Variants in HIVEP1 observed in about 807,000 individuals in gnomAD.
HIVEP1 encodes HIVEP zinc finger 1, also known as zinc finger protein 40.
In HIVEP1, 36 loss-of-function variants were observed where a neutral mutation model predicts 180.0. That is an observed-to-expected ratio of 0.20 (90% CI 0.15 to 0.26). HIVEP1 has a LOEUF of 0.26. Ranked by LOEUF, HIVEP1 falls within the 10% of genes least tolerant of loss-of-function variation. The pLI, the probability that HIVEP1 is intolerant of heterozygous loss-of-function variation, is 1.00. For missense variants in HIVEP1, 3,143 were observed against 3,268.7 expected (o/e 0.96, Z 0.94); for synonymous variants, 1,239 against 1,239.0 (o/e 1.00, Z 0.00).
the HIVEP1 span, among the ~76,000 whole-genome samples, chr6:12,170,772 G>A: frequency 1.3e-5 from 2 of 152,286 alleles, no homozygotes; most frequent in Admixed American, 6.5e-5. Flanking sequence ...AAGGAGCACG[G>A]GCTGTGGACT....
intron 3 of HIVEP1, among the ~76,000 whole-genome samples, chr6:12,116,716 A>G (rs1054898760): frequency 6.6e-6 from 1 of 152,122 alleles, no homozygotes; most frequent in Non-Finnish European, 1.5e-5. Context: ...CACAACTCAA[A>G]AAAGACTGTC....
chr6:12,101,881 A>G (rs1422602963), intron 3 of HIVEP1, among the ~76,000 whole-genome samples: 4 of 149,154 alleles, frequency 2.7e-5, no homozygotes, highest in Non-Finnish European at 6.0e-5. Flanking sequence ...CCAAGACACA[A>G]ATATATTGAA....
chr6:12,088,435 A>G (rs1177495910), intron 2 of HIVEP1, among the ~76,000 whole-genome samples: 4 of 152,118 alleles, frequency 2.6e-5, no homozygotes, highest in Non-Finnish European at 4.4e-5. Flanking sequence ...AAGTATGTAT[A>G]TCCTTATAAA....
intron 2 of HIVEP1, among the ~76,000 whole-genome samples, chr6:12,031,032 T>G (rs1768905458): frequency 8.9e-6 from 1 of 111,850 alleles, no homozygotes; most frequent in African/African-American, 3.5e-5. Context: ...CGTTTGTTTG[T>G]TTTTTTTGTT....
At chr6:12,210,302 A>G in the HIVEP1 span, among the ~76,000 whole-genome samples, 2 of 152,238 alleles carry the variant, frequency 1.3e-5, no homozygotes, top group Non-Finnish European at 2.9e-5. Context: ...GCCTCCGTCC[A>G]AACACTCCCT....
chr6:12,167,619 T>C (rs952189273), downstream of HIVEP1, among the ~76,000 whole-genome samples: 1 of 95,810 alleles, frequency 1.0e-5, no homozygotes, highest in Middle Eastern at 6.8e-3. Flanking sequence ...ATATTACATG[T>C]ATATATACAT....
At chr6:12,199,025 G>T in the HIVEP1 span, among the ~76,000 whole-genome samples, 1,573 of 152,334 alleles carry the variant, frequency 0.01, 14 homozygotes, top group Non-Finnish European at 0.018. Flanking sequence ...GTGAGAAATG[G>T]TCAAAGCCTG....
chr6:12,029,191 T>C (rs2327506), intron 2 of HIVEP1, among the ~76,000 whole-genome samples: 65,992 of 151,746 alleles, frequency 0.43, 16,316 homozygotes, highest in Non-Finnish European at 0.56. Flanking sequence ...CATAGAGTGT[T>C]CTAGAAGTCT....
At chr6:12,088,582 G>A (rs1773255507) in intron 2 of HIVEP1, among the ~76,000 whole-genome samples, 1 of 152,132 alleles carries the variant, frequency 6.6e-6, no homozygotes, top group Non-Finnish European at 1.5e-5. Flanking sequence ...GGTTACATCT[G>A]TCTGACAAAA....
intron 3 of HIVEP1, among the ~76,000 whole-genome samples, chr6:12,103,931 T>C (rs1774255155): frequency 6.6e-6 from 1 of 152,222 alleles, no homozygotes; most frequent in Non-Finnish European, 1.5e-5. Flanking sequence ...TATTTCACTT[T>C]CATTGTTGGA....
chr6:12,035,031 C>G (rs1024469612), intron 2 of HIVEP1, among the ~76,000 whole-genome samples: 1 of 152,174 alleles, frequency 6.6e-6, no homozygotes, highest in Non-Finnish European at 1.5e-5. Context: ...GTATGAAGAG[C>G]TACTGACACC....
At chr6:12,182,575 G>A in the HIVEP1 span, among the ~76,000 whole-genome samples, 35 of 152,282 alleles carry the variant, frequency 2.3e-4, no homozygotes, top group South Asian at 2.1e-3. Context: ...GGAAATGTCT[G>A]TTTCTTTGGA....
At chr6:12,054,138 A>G (rs751271167) in intron 2 of HIVEP1, among the ~76,000 whole-genome samples, 5 of 152,212 alleles carry the variant, frequency 3.3e-5, no homozygotes, top group South Asian at 2.1e-4. Context: ...TAATCTGTCA[A>G]TTGTGATGCC....
intron 2 of HIVEP1, among the ~76,000 whole-genome samples, chr6:12,074,664 GTC>G (rs572611078): frequency 6.6e-6 from 1 of 151,102 alleles, no homozygotes; most frequent in African/African-American, 2.4e-5. Flanking sequence ...GCATGTCCTT[GTC>G]TCTCTTTCTG....
intron 4 of HIVEP1, among the ~76,000 whole-genome samples, chr6:12,129,058 AAGGT>A (rs1263274485): frequency 2.2e-4 from 34 of 152,180 alleles, no homozygotes; most frequent in Admixed American, 3.3e-4. Flanking sequence ...TAAAATTTTA[AAGGT>A]AGCCAGGTGT....
At chr6:12,060,169 T>C (rs1246543409) in intron 2 of HIVEP1, among the ~76,000 whole-genome samples, 1 of 152,240 alleles carries the variant, frequency 6.6e-6, no homozygotes, top group African/African-American at 2.4e-5. Context: ...TTTGATACTT[T>C]GGTGCATCCC....
the HIVEP1 span, among the ~76,000 whole-genome samples, chr6:12,196,762 G>A: frequency 2.0e-5 from 3 of 152,244 alleles, no homozygotes; most frequent in Admixed American, 2.0e-4. Flanking sequence ...CCTCTTCCTA[G>A]GCTCTCAGTG....
intron 2 of HIVEP1, among the ~76,000 whole-genome samples, chr6:12,036,061 A>G (rs1325253365): frequency 6.6e-6 from 1 of 152,236 alleles, no homozygotes; most frequent in Non-Finnish European, 1.5e-5. Flanking sequence ...TGCTATTTTA[A>G]AGAAATGGCA....
Position 12,120,374 on chromosome 6 carries a change from C to T in HIVEP1, c.579C>T (p.Asn193=). 1 of 1,614,166 alleles carries T rather than the reference C, an allele frequency of 6.2e-7. No homozygotes were observed. The highest frequency in any genetic ancestry group is 2.2e-5 in the East Asian group (1 of 44,884). The part of the protein sequence containing the change: ...HCGTTSPSYT[N]TAFDVLLKAM... ...GCACTACGTCCCCCTCCTATACAAACACTGCATTCGATGTCTTACTGAAAG... is the reference window on the plus strand; with the variant it reads ...GCACTACGTCCCCCTCCTATACAAATACTGCATTCGATGTCTTACTGAAAG... The change falls in exon 4 of 9, where the codon AAC becomes AAT. Residue 193 remains asparagine, a synonymous_variant. Coordinates refer to ENST00000379388, the MANE Select transcript of HIVEP1 (RefSeq NM_002114.4).
Sources: allele counts gnomAD v4.1 joint callset (sites outside exome capture counted in the v4.1 genomes callset), GRCh38; gene constraint gnomAD v4.1.1; transcripts MANE v1.5; gene names NCBI Gene and HGNC (gene_info 2026-07-23, HGNC 2026-07-21).